Variants in ST8SIA2 observed in about 807,000 individuals in gnomAD.
ST8SIA2 encodes the protein alpha-2,8-sialyltransferase 8B.
ST8SIA2 carries 22 observed loss-of-function variants against 37.6 expected under a neutral mutation model. The observed-to-expected ratio is 0.58, with a 90% confidence interval of 0.42 to 0.83. The LOEUF (loss-of-function observed/expected upper bound fraction) is 0.83. Ranked by LOEUF, ST8SIA2 falls within the 40% of genes least tolerant of loss-of-function variation. The pLI is 0.00. For missense variants in ST8SIA2, 382 were observed against 484.7 expected, an observed-to-expected ratio of 0.79 and a Z score of 1.99; for synonymous variants, 205 against 201.2, an observed-to-expected ratio of 1.02 and a Z score of -0.16.
intron 5 of ST8SIA2, among the ~76,000 whole-genome samples, chr15:92,449,283 G>C (rs1003799996): frequency 6.6e-6 from 1 of 152,140 alleles, no homozygotes; most frequent in African/African-American, 2.4e-5. Context: ...AATTCACTTA[G>C]GATTACGGCC....
At chr15:92,425,613 A>G (rs922415913) in intron 1 of ST8SIA2, among the ~76,000 whole-genome samples, 1 of 152,170 alleles carries the variant, frequency 6.6e-6, no homozygotes, top group African/African-American at 2.4e-5. Flanking sequence ...ACACAAGGAG[A>G]TACTGGGGTT....
At chr15:92,449,533 G>A (rs1030629711) in intron 5 of ST8SIA2, among the ~76,000 whole-genome samples, 15 of 152,228 alleles carry the variant, frequency 9.9e-5, no homozygotes, top group Non-Finnish European at 1.2e-4. Context: ...CCAGTAATGG[G>A]ATTGCTGGGT....
intron 1 of ST8SIA2, among the ~76,000 whole-genome samples, chr15:92,415,899 C>A (rs1290463423): frequency 6.6e-6 from 1 of 152,070 alleles, no homozygotes; most frequent in Non-Finnish European, 1.5e-5. Flanking sequence ...CCAGAAACTG[C>A]CCCTTGGTAG....
intron 1 of ST8SIA2, among the ~76,000 whole-genome samples, chr15:92,411,460 T>C (rs2141810660): frequency 6.6e-6 from 1 of 152,264 alleles, no homozygotes; most frequent in East Asian, 1.9e-4. Context: ...CAGTAACAGC[T>C]GCATGAACAA....
At chr15:92,454,578 T>G (rs1207980995) in intron 5 of ST8SIA2, among the ~76,000 whole-genome samples, 1 of 151,944 alleles carries the variant, frequency 6.6e-6, no homozygotes, top group Non-Finnish European at 1.5e-5. Flanking sequence ...TTACAAAATT[T>G]CTGCCCATCT....
intron 1 of ST8SIA2, among the ~76,000 whole-genome samples, chr15:92,394,975 C>A (rs565329080): frequency 1.8e-4 from 27 of 152,252 alleles, no homozygotes; most frequent in African/African-American, 6.3e-4. Flanking sequence ...AGGGTGGGAC[C>A]GCGAGCCCGG....
chr15:92,434,198 G>T (rs751210956), intron 2 of ST8SIA2, 49 bp from the exon 3 acceptor site: 2 of 1,611,662 alleles, frequency 1.2e-6, no homozygotes, highest in Non-Finnish European at 1.7e-6. Flanking sequence ...CTTGTCGTCG[G>T]CTTGCTAACA....
chr15:92,400,263 C>T (rs2049460727), intron 1 of ST8SIA2, among the ~76,000 whole-genome samples: 1 of 152,206 alleles, frequency 6.6e-6, no homozygotes, highest in Non-Finnish European at 1.5e-5. Flanking sequence ...TCATGCAGCA[C>T]CCCATGGACA....
At chr15:92,418,986 C>A (rs149613189) in intron 1 of ST8SIA2, among the ~76,000 whole-genome samples, 52 of 152,258 alleles carry the variant, frequency 3.4e-4, no homozygotes, top group Non-Finnish European at 6.2e-4. Context: ...TGTCTCTTAG[C>A]CGCAGCATGT....
At chr15:92,460,745 A>C (rs556967333) in intron 5 of ST8SIA2, among the ~76,000 whole-genome samples, 86 of 152,372 alleles carry the variant, frequency 5.6e-4, no homozygotes, top group African/African-American at 2.1e-3. Flanking sequence ...CATTAGACCA[A>C]CCACATTCCT....
intron 5 of ST8SIA2, among the ~76,000 whole-genome samples, chr15:92,449,654 C>T (rs1244462403): frequency 6.6e-6 from 1 of 152,230 alleles, no homozygotes; most frequent in Non-Finnish European, 1.5e-5. Context: ...CACATCCTCA[C>T]CAACATCTGT....
At chr15:92,419,069 T>C (rs2049611185) in intron 1 of ST8SIA2, among the ~76,000 whole-genome samples, 1 of 152,056 alleles carries the variant, frequency 6.6e-6, no homozygotes, top group Non-Finnish European at 1.5e-5. Context: ...GGGCCACGTG[T>C]GAGCCAGGCA....
chr15:92,440,812 A>C (rs779191806), intron 4 of ST8SIA2, among the ~76,000 whole-genome samples: 1 of 152,224 alleles, frequency 6.6e-6, no homozygotes, highest in Non-Finnish European at 1.5e-5. Flanking sequence ...CCACACTAAC[A>C]GTAAAGAGAG....
intron 1 of ST8SIA2, among the ~76,000 whole-genome samples, chr15:92,416,450 G>A (rs2049587452): frequency 2.6e-5 from 4 of 152,126 alleles, no homozygotes; most frequent in Admixed American, 2.0e-4. Context: ...AATGGAAGCA[G>A]GGTTTGGAAA....
intron 1 of ST8SIA2, among the ~76,000 whole-genome samples, chr15:92,410,248 T>C (rs1157621469): frequency 6.6e-6 from 1 of 152,246 alleles, no homozygotes; most frequent in Non-Finnish European, 1.5e-5. Flanking sequence ...CTAAATTCCT[T>C]GCCCTGAAAT....
chr15:92,448,710 TTGTC>T, intron 5 of ST8SIA2, among the ~76,000 whole-genome samples: 1 of 152,280 alleles, frequency 6.6e-6, no homozygotes. Context: ...GACATAAGAC[TTGTC>T]CTATGGACTC....
intron 5 of ST8SIA2, among the ~76,000 whole-genome samples, chr15:92,450,183 T>C (rs2049871933): frequency 6.6e-6 from 1 of 152,168 alleles, no homozygotes; most frequent in Admixed American, 6.5e-5. Context: ...AGAAAAGATT[T>C]ACAAATACTA....
intron 4 of ST8SIA2, among the ~76,000 whole-genome samples, chr15:92,442,760 A>G (rs184321441): frequency 1.3e-5 from 2 of 152,328 alleles, no homozygotes; most frequent in African/African-American, 4.8e-5. Context: ...TCTGCTTACA[A>G]TGTTTAGCCA....
At chr15:92,411,159 C>T (rs2049545848) in intron 1 of ST8SIA2, among the ~76,000 whole-genome samples, 1 of 152,100 alleles carries the variant, frequency 6.6e-6, no homozygotes, top group Non-Finnish European at 1.5e-5. Flanking sequence ...TCCACGAACC[C>T]CTTGAAATTG....
Sources: allele counts gnomAD v4.1 joint callset (sites outside exome capture counted in the v4.1 genomes callset), GRCh38; gene constraint gnomAD v4.1.1; transcripts MANE v1.5; gene names NCBI Gene and HGNC (gene_info 2026-07-23, HGNC 2026-07-21).